Variants in SMARCAL1 observed in about 807,000 individuals in gnomAD.
SMARCAL1 encodes the protein SNF2 related chromatin remodeling annealing helicase 1, also known as ATP-driven annealing helicase.
In SMARCAL1, 58 loss-of-function variants were observed where a neutral mutation model predicts 94.5. The ratio of observed to expected loss-of-function variants is 0.61; its 90% confidence interval spans 0.50 to 0.76. The LOEUF is 0.76. Among genes scored for constraint, SMARCAL1 ranks in the 30% least tolerant of loss-of-function variants. The probability of loss-of-function intolerance (pLI) is 0.00; values close to 1 mark genes in which losing one functional copy is unlikely to be tolerated. For synonymous variants in SMARCAL1, 422 were observed against 455.1 expected (o/e 0.93, Z 0.93); for missense variants, 1,051 against 1,177.9 (o/e 0.89, Z 1.58).
Position 216,447,098 on chromosome 2 carries a change from C to G in SMARCAL1, c.1791C>G (p.Val597=). ...AGCTCTACACGCAGATCATCGCAGT[C>G]AAGCCAACTTTCTTCCCCCAGTTTC... ...PAELYTQIIA[V]KPTFFPQFHA... is the part of the protein sequence containing the mutation. The change falls in exon 11 of 18, where the codon GTC becomes GTG. Residue 597 remains valine, a synonymous_variant. Transcript: ENST00000357276. The G allele has an allele frequency of 1.9e-6, 3 of 1,614,082 alleles. No individual in the cohort carries two copies. Among genetic ancestry groups the G allele is most frequent in the Non-Finnish European group, 2.5e-6 (3 of 1,180,012 alleles).
At chr2:216,426,940 A>G (rs577698636) in intron 6 of SMARCAL1, 2 of 152,326 alleles carry the variant, frequency 1.3e-5, no homozygotes, top group Admixed American at 1.3e-4. Context: ...TCATTGGTGA[A>G]GCAGTGGGAG....
chr2:216,417,272 A>G lies in SMARCAL1; in HGVS notation c.862+965A>G, dbSNP rs568494414. Among the ~76,000 whole-genome samples the G allele has an allele frequency of 1.2e-4, 19 of 152,326 alleles. 1 individual carries two copies. The highest frequency in any genetic ancestry group is 3.1e-4 in the African/African-American group (13 of 41,574). ...TCTTGAAATGTGTACATTAGGCGAT[A>G]TCTTTCTTTGGTAGCTGCTAGTGTT... On this transcript the variant is annotated intron_variant, in intron 4 of 17. Coordinates refer to ENST00000357276, the MANE Select transcript of SMARCAL1 (RefSeq NM_014140.4).
intron 12 of SMARCAL1, chr2:216,451,662 A>G (rs1273060564): frequency 6.1e-6 from 1 of 163,872 alleles, no homozygotes; most frequent in African/African-American, 2.4e-5. Flanking sequence ...GCTCCACCAC[A>G]GAGCTGAGGC....
chr2:216,446,913 G>A (rs1017290924), intron 10 of SMARCAL1, 105 bp from the exon 11 acceptor site: 2 of 1,336,486 alleles, frequency 1.5e-6, no homozygotes, highest in Non-Finnish European at 2.1e-6. Context: ...ACACGCACGC[G>A]GTCTTTTTCT....
chr2:216,462,772 G>A (rs1010912105), intron 12 of SMARCAL1, among the ~76,000 whole-genome samples: 2 of 151,780 alleles, frequency 1.3e-5, no homozygotes, highest in African/African-American at 4.8e-5. Context: ...GATTACTTGA[G>A]CCTAAGAGTT....
chr2:216,447,887 G>T (rs942356159), intron 11 of SMARCAL1, among the ~76,000 whole-genome samples: 1 of 152,034 alleles, frequency 6.6e-6, no homozygotes, highest in Admixed American at 6.5e-5. Context: ...CAGACCTTAG[G>T]GATTCTTGTT....
chr2:216,435,590 GC>G, intron 9 of SMARCAL1, 94 bp downstream of exon 9: 4 of 1,105,190 alleles, frequency 3.6e-6, no homozygotes, highest in East Asian at 2.4e-5. Context: ...ATCTCCTTGA[GC>G]CCCATTTAGT....
intron 12 of SMARCAL1, among the ~76,000 whole-genome samples, chr2:216,453,344 A>G (rs937592166): frequency 2.6e-5 from 4 of 152,260 alleles, no homozygotes; most frequent in African/African-American, 7.2e-5. Flanking sequence ...ATTCTTTCAG[A>G]TAATAATTCC....
intron 7 of SMARCAL1, among the ~76,000 whole-genome samples, chr2:216,431,560 C>A (rs1398705461): frequency 6.6e-6 from 1 of 152,120 alleles, no homozygotes; most frequent in African/African-American, 2.4e-5. Context: ...ATGATGTTGC[C>A]AACCACTGTT....
At chr2:216,470,875 G>A (rs1379807229) in intron 14 of SMARCAL1, among the ~76,000 whole-genome samples, 5 of 132,248 alleles carry the variant, frequency 3.8e-5, no homozygotes, top group African/African-American at 1.4e-4. Context: ...AAGCAGGAGC[G>A]ATATCTAAAC....
At chr2:216,428,902 A>T in intron 7 of SMARCAL1, 120 bp downstream of exon 7, 1 of 932,132 alleles carries the variant, frequency 1.1e-6, no homozygotes, top group South Asian at 1.4e-5. Flanking sequence ...ATGAAAATTT[A>T]GAAGAGTCTA....
intron 8 of SMARCAL1, among the ~76,000 whole-genome samples, chr2:216,433,600 G>A (rs1322812175): frequency 6.6e-6 from 1 of 152,194 alleles, no homozygotes; most frequent in Non-Finnish European, 1.5e-5. Flanking sequence ...AGAGGGGGGA[G>A]TGAGTGGGAT....
chr2:216,425,865 T>C (rs1693823064), intron 6 of SMARCAL1, among the ~76,000 whole-genome samples: 1 of 152,188 alleles, frequency 6.6e-6, no homozygotes, highest in African/African-American at 2.4e-5. Context: ...TTATTCTGGG[T>C]TGTGGACTCC....
chr2:216,432,847 C>T lies in SMARCAL1; in HGVS notation c.1464C>T (p.Ser488=), dbSNP rs139469074. 39 of 1,614,090 alleles carry T rather than the reference C, an allele frequency of 2.4e-5. No homozygotes were observed. The highest frequency in any genetic ancestry group is 9.9e-5 in the South Asian group (9 of 91,090). Residue 488 remains serine (S), a synonymous_variant, in exon 8 of 18, where the codon TCC becomes TCT. Transcript: ENST00000357276. Reference sequence around the variant, plus strand: ...CGCTCCTGGTGGTGGTGCCATCCTCCGTGCGCTTCACCTGGGAGCAGGTTA... The same window carrying T: ...CGCTCCTGGTGGTGGTGCCATCCTCTGTGCGCTTCACCTGGGAGCAGGTTA... The part of the protein sequence containing the change: ...EWPLLVVVPS[S]VRFTWEQAFL...
chr2:216,470,177 G>A, intron 14 of SMARCAL1, among the ~76,000 whole-genome samples: 1 of 152,030 alleles, frequency 6.6e-6, no homozygotes, highest in Non-Finnish European at 1.5e-5. Context: ...GGGGAGGGGG[G>A]TCTCGCTCCG....
intron 13 of SMARCAL1, among the ~76,000 whole-genome samples, chr2:216,466,149 C>T (rs1430197835): frequency 6.6e-6 from 1 of 152,190 alleles, no homozygotes; most frequent in African/African-American, 2.4e-5. Flanking sequence ...TCAGGACCTG[C>T]AAAATTCAGA....
chr2:216,453,614 A>G (rs1227563310), intron 12 of SMARCAL1, among the ~76,000 whole-genome samples: 2 of 152,222 alleles, frequency 1.3e-5, no homozygotes, highest in African/African-American at 4.8e-5. Flanking sequence ...CAGCTATGAA[A>G]TCCTGAGTTG....
intron 12 of SMARCAL1, among the ~76,000 whole-genome samples, chr2:216,458,364 T>C (rs975473871): frequency 5.9e-5 from 9 of 152,178 alleles, no homozygotes; most frequent in Admixed American, 1.3e-4. Context: ...TACCAAAGCC[T>C]GGCAGAGACA....
chr2:216,423,279 C>T (rs1386650975), intron 5 of SMARCAL1, among the ~76,000 whole-genome samples: 2 of 152,176 alleles, frequency 1.3e-5, no homozygotes, highest in African/African-American at 2.4e-5. Context: ...GGCACAGTGC[C>T]GGGCTGAATG....
Sources: gnomAD v4.1 joint callset for allele counts (sites outside exome capture counted in the v4.1 genomes callset) on GRCh38, gnomAD v4.1.1 for gene constraint, MANE v1.5 for transcripts, NCBI Gene and HGNC (gene_info 2026-07-23, HGNC 2026-07-21) for gene names.